The following MARCHF1 variants were observed in gnomAD, a reference collection of about 807,000 sequenced individuals.
MARCHF1 encodes membrane associated ring-CH-type finger 1.
In MARCHF1, 40 loss-of-function variants were observed where a neutral mutation model predicts 54.2. That is an observed-to-expected ratio of 0.74 (90% CI 0.57 to 0.96). The LOEUF (loss-of-function observed/expected upper bound fraction) is 0.96, where lower values mean the gene tolerates loss of function less well. Among genes scored for constraint, MARCHF1 ranks in the 40% least tolerant of loss-of-function variants. MARCHF1 has a pLI of 0.00. For synonymous variants in MARCHF1, 236 were observed against 236.3 expected (o/e 1.00, Z 0.01); for missense variants, 586 against 656.5 (o/e 0.89, Z 1.17).
intron 5 of MARCHF1, among the ~76,000 whole-genome samples, chr4:163,654,562 A>C (rs1198141900): frequency 6.6e-6 from 1 of 151,676 alleles, no homozygotes; most frequent in Non-Finnish European, 1.5e-5. Flanking sequence ...TTTAAGAATT[A>C]AGAGATCTTT....
At chr4:163,862,126 A>T (rs991440871) in intron 3 of MARCHF1, among the ~76,000 whole-genome samples, 1 of 152,096 alleles carries the variant, frequency 6.6e-6, no homozygotes, top group Admixed American at 6.6e-5. Context: ...AGAAACAGAA[A>T]ATGTGGGTGA....
At chr4:163,726,666 A>G (rs538810947) in intron 4 of MARCHF1, among the ~76,000 whole-genome samples, 3 of 152,232 alleles carry the variant, frequency 2.0e-5, no homozygotes, top group African/African-American at 7.2e-5. Flanking sequence ...TGTTTAGTTC[A>G]GTAAGAAACT....
intron 5 of MARCHF1, among the ~76,000 whole-genome samples, chr4:163,628,487 C>A (rs1195350841): frequency 6.6e-6 from 1 of 152,150 alleles, no homozygotes; most frequent in Non-Finnish European, 1.5e-5. Context: ...AAAACTGGTA[C>A]AAGACAAGGA....
chr4:163,869,703 A>G (rs1348927317), intron 3 of MARCHF1, among the ~76,000 whole-genome samples: 1 of 152,140 alleles, frequency 6.6e-6, no homozygotes, highest in Non-Finnish European at 1.5e-5. Context: ...ACTAGAAAGC[A>G]CTAAGGCAAT....
At chr4:164,167,201 C>T (rs1730404315) in intron 1 of MARCHF1, among the ~76,000 whole-genome samples, 1 of 142,070 alleles carries the variant, frequency 7.0e-6, no homozygotes, top group South Asian at 2.1e-4. Context: ...GGTTCCTTCC[C>T]TCAAAAAGCA....
intron 5 of MARCHF1, among the ~76,000 whole-genome samples, chr4:163,614,763 CTTGAG>C (rs1290834707): frequency 6.6e-6 from 1 of 151,996 alleles, no homozygotes; most frequent in African/African-American, 2.4e-5. Context: ...AGTTAACCAT[CTTGAG>C]TTGAGGAGAT....
chr4:164,334,989 G>T (rs536355661), intron 1 of MARCHF1, among the ~76,000 whole-genome samples: 1 of 152,096 alleles, frequency 6.6e-6, no homozygotes, highest in Non-Finnish European at 1.5e-5. Context: ...CTGAATTACC[G>T]CAATCTGATG....
intron 1 of MARCHF1, among the ~76,000 whole-genome samples, chr4:164,114,337 A>G (rs1318325624): frequency 6.6e-6 from 1 of 151,838 alleles, no homozygotes; most frequent in Non-Finnish European, 1.5e-5. Context: ...TTATTTTCTT[A>G]TTGTTTATTG....
At chr4:163,576,989 G>C (rs1740061375) in intron 8 of MARCHF1, among the ~76,000 whole-genome samples, 1 of 152,014 alleles carries the variant, frequency 6.6e-6, no homozygotes, top group African/African-American at 2.4e-5. Context: ...GCAGACAAAT[G>C]AGTGTGTTTT....
chr4:164,249,783 T>C (rs1475950594), intron 1 of MARCHF1, among the ~76,000 whole-genome samples: 1 of 150,352 alleles, frequency 6.7e-6, no homozygotes, highest in African/African-American at 2.4e-5. Context: ...AAAAAAGTCT[T>C]ATGAGAGTTC....
At chr4:163,833,956 GC>G (rs1341056129) in intron 4 of MARCHF1, among the ~76,000 whole-genome samples, 1 of 152,134 alleles carries the variant, frequency 6.6e-6, no homozygotes, top group Non-Finnish European at 1.5e-5. Context: ...GAGCAGCAGT[GC>G]CAATGGAGAA....
chr4:163,805,232 G>C (rs540208239), intron 4 of MARCHF1, among the ~76,000 whole-genome samples: 1 of 151,816 alleles, frequency 6.6e-6, no homozygotes, highest in Admixed American at 6.6e-5. Context: ...TCATTTAAAC[G>C]TTGTATTATT....
chr4:163,865,599 GCATCACT>G (rs1486830667), intron 3 of MARCHF1, among the ~76,000 whole-genome samples: 2 of 151,676 alleles, frequency 1.3e-5, no homozygotes, highest in African/African-American at 4.8e-5. Flanking sequence ...CAAGAAAATT[GCATCACT>G]CATTACCTAT....
chr4:164,330,081 A>G (rs1005574125), intron 1 of MARCHF1: 5 of 151,704 alleles, frequency 3.3e-5, no homozygotes, highest in African/African-American at 9.7e-5. Context: ...ACAGCAAAAT[A>G]CTCTTTGTAA....
At chr4:164,120,364 T>C (rs1020102648) in intron 1 of MARCHF1, among the ~76,000 whole-genome samples, 1 of 152,034 alleles carries the variant, frequency 6.6e-6, no homozygotes, top group Non-Finnish European at 1.5e-5. Context: ...AAGAGAGAGA[T>C]AGGGCCCAAT....
intron 2 of MARCHF1, among the ~76,000 whole-genome samples, chr4:164,103,817 G>C (rs1415237913): frequency 2.4e-5 from 3 of 126,182 alleles, no homozygotes; most frequent in African/African-American, 1.1e-4. Context: ...AAAAATTAAT[G>C]AATCCAGGAG....
chr4:163,926,951 T>C (rs1404342326), intron 3 of MARCHF1, among the ~76,000 whole-genome samples: 1 of 151,616 alleles, frequency 6.6e-6, no homozygotes, highest in African/African-American at 2.4e-5. Context: ...TAAATATTAA[T>C]AGAACTAAAA....
chr4:164,233,195 C>A (rs1231210314), intron 1 of MARCHF1, among the ~76,000 whole-genome samples: 1 of 152,054 alleles, frequency 6.6e-6, no homozygotes, highest in Non-Finnish European at 1.5e-5. Context: ...ACTCTCTTAA[C>A]TCTTACTTTG....
chr4:163,987,045 T>C (rs894711471), intron 3 of MARCHF1, among the ~76,000 whole-genome samples: 4 of 152,248 alleles, frequency 2.6e-5, no homozygotes, highest in Non-Finnish European at 5.9e-5. Flanking sequence ...CTTTTATGAA[T>C]CTTGCTTTTG....
Sources: allele counts gnomAD v4.1 joint callset (sites outside exome capture counted in the v4.1 genomes callset), GRCh38; gene constraint gnomAD v4.1.1; transcripts MANE v1.5; gene names NCBI Gene and HGNC (gene_info 2026-07-23, HGNC 2026-07-21).